The following MRAP2 variants were observed in gnomAD, a reference collection of about 807,000 sequenced individuals.
MRAP2 encodes melanocortin 2 receptor accessory protein 2, also known as melanocortin-2 receptor accessory protein 2.
In MRAP2, 20 loss-of-function variants were observed where a neutral mutation model predicts 17.4. The ratio of observed to expected loss-of-function variants is 1.15; its 90% CI spans 0.81 to 1.67. The LOEUF is 1.67. Among genes scored for constraint, MRAP2 ranks in the 40% most tolerant of loss-of-function variants. The pLI is 0.00. For missense variants in MRAP2, 238 were observed against 240.0 expected (o/e 0.99, Z 0.05); for synonymous variants, 96 against 88.4 (o/e 1.09, Z -0.48).
chr6:84,129,261 C>T, the MRAP2 span, among the ~76,000 whole-genome samples: 3 of 152,272 alleles, frequency 2.0e-5, no homozygotes, highest in Admixed American at 6.5e-5. Flanking sequence ...CTTGAGGAGT[C>T]GCCACACTGT....
the MRAP2 span, among the ~76,000 whole-genome samples, chr6:84,121,752 A>C: frequency 6.6e-6 from 1 of 152,324 alleles, no homozygotes; most frequent in East Asian, 1.9e-4. Flanking sequence ...TCTTTGAAAT[A>C]AATGAAAATA....
the MRAP2 span, among the ~76,000 whole-genome samples, chr6:84,123,516 T>G: frequency 6.6e-6 from 1 of 151,998 alleles, no homozygotes; most frequent in Non-Finnish European, 1.5e-5. Flanking sequence ...GGAAAACTGA[T>G]TTGCCTTATA....
chr6:84,086,792 G>C (rs1055968023), intron 3 of MRAP2, among the ~76,000 whole-genome samples: 1 of 152,130 alleles, frequency 6.6e-6, no homozygotes, highest in Non-Finnish European at 1.5e-5. Flanking sequence ...GTCCTGGGGA[G>C]GGACAAAATT....
the MRAP2 span, among the ~76,000 whole-genome samples, chr6:84,099,862 C>CT: frequency 0.096 from 13,992 of 145,392 alleles, 948 homozygotes; most frequent in African/African-American, 0.19. Context: ...TTCTCTCTCT[C>CT]TTTTTTTTTT....
chr6:84,035,433 G>C, intron 1 of MRAP2: 1 of 984,606 alleles, frequency 1.0e-6, no homozygotes, highest in Non-Finnish European at 1.2e-6. Context: ...CTGGGATATA[G>C]ATCAGGGTAT....
the MRAP2 span, among the ~76,000 whole-genome samples, chr6:84,117,211 C>G: frequency 6.6e-6 from 1 of 152,070 alleles, no homozygotes; most frequent in Non-Finnish European, 1.5e-5. Context: ...TTAGTAGAGA[C>G]AAAGTTTCAC....
At chr6:84,061,020 C>T (rs1157873153) in intron 2 of MRAP2, among the ~76,000 whole-genome samples, 2 of 151,896 alleles carry the variant, frequency 1.3e-5, no homozygotes, top group East Asian at 3.9e-4. Context: ...TTTTATGCCT[C>T]ATTTCTACTA....
At chr6:84,127,168 T>C in the MRAP2 span, among the ~76,000 whole-genome samples, 2 of 152,152 alleles carry the variant, frequency 1.3e-5, no homozygotes, top group Non-Finnish European at 2.9e-5. Context: ...CAATTAATTG[T>C]ATCTTCTTTA....
chr6:84,105,334 C>T, the MRAP2 span, among the ~76,000 whole-genome samples: 4 of 152,160 alleles, frequency 2.6e-5, no homozygotes, highest in African/African-American at 9.7e-5. Flanking sequence ...TACAGTTCCA[C>T]GTGGCTGGGG....
At chr6:84,042,120 G>A (rs867416710) in intron 1 of MRAP2, among the ~76,000 whole-genome samples, 2 of 152,260 alleles carry the variant, frequency 1.3e-5, no homozygotes, top group African/African-American at 2.4e-5. Flanking sequence ...GATAGTGAGT[G>A]AGTTCTCATG....
intron 1 of MRAP2, among the ~76,000 whole-genome samples, chr6:84,047,852 T>A (rs2099489435): frequency 6.6e-6 from 1 of 152,236 alleles, no homozygotes; most frequent in East Asian, 1.9e-4. Flanking sequence ...CTAGGTACCC[T>A]CATATATGTA....
the MRAP2 span, among the ~76,000 whole-genome samples, chr6:84,139,009 A>C: frequency 2.6e-5 from 4 of 152,324 alleles, no homozygotes; most frequent in South Asian, 8.3e-4. Context: ...TGAGACTTAA[A>C]TCCTTCAATA....
chr6:84,049,440 A>G (rs953347882), intron 1 of MRAP2, among the ~76,000 whole-genome samples: 1 of 152,102 alleles, frequency 6.6e-6, no homozygotes, highest in African/African-American at 2.4e-5. Context: ...AAAAACACAC[A>G]AAAAACAAAC....
intron 1 of MRAP2, among the ~76,000 whole-genome samples, chr6:84,046,201 A>G (rs972408431): frequency 6.6e-6 from 1 of 152,176 alleles, no homozygotes; most frequent in African/African-American, 2.4e-5. Context: ...GATAATTGTT[A>G]ATAATAGTTG....
At chr6:84,139,655 A>G in the MRAP2 span, among the ~76,000 whole-genome samples, 1 of 152,182 alleles carries the variant, frequency 6.6e-6, no homozygotes, top group African/African-American at 2.4e-5. Context: ...GCTCTCCCAG[A>G]TATCTGTCTA....
At chr6:84,118,975 T>C in the MRAP2 span, among the ~76,000 whole-genome samples, 21 of 152,228 alleles carry the variant, frequency 1.4e-4, no homozygotes, top group South Asian at 1.0e-3. Flanking sequence ...GGTACCTTTA[T>C]TGAAAGTCAA....
intron 2 of MRAP2, among the ~76,000 whole-genome samples, chr6:84,056,445 G>A (rs2099491731): frequency 6.6e-6 from 1 of 152,022 alleles, no homozygotes; most frequent in South Asian, 2.1e-4. Context: ...TAAACCATAT[G>A]TCCTTTACCC....
intron 1 of MRAP2, among the ~76,000 whole-genome samples, chr6:84,048,827 A>G (rs949860780): frequency 3.9e-5 from 6 of 152,164 alleles, no homozygotes; most frequent in Non-Finnish European, 8.8e-5. Flanking sequence ...TGTTTTCCTA[A>G]TTCAACAAAT....
the MRAP2 span, among the ~76,000 whole-genome samples, chr6:84,107,122 G>T: frequency 6.6e-6 from 1 of 151,972 alleles, no homozygotes; most frequent in Non-Finnish European, 1.5e-5. Context: ...AGCCCAAATG[G>T]CAGAGCAGTC....
Sources: gnomAD v4.1 joint callset for allele counts (sites outside exome capture counted in the v4.1 genomes callset) on GRCh38, gnomAD v4.1.1 for gene constraint, MANE v1.5 for transcripts, NCBI Gene and HGNC (gene_info 2026-07-23, HGNC 2026-07-21) for gene names.